The following TMEM131 variants were observed in gnomAD, a reference collection of about 807,000 sequenced individuals.
TMEM131 encodes 2610524E03Rik.
TMEM131 carries 66 observed loss-of-function variants against 211.6 expected under a neutral mutation model. The ratio of observed to expected loss-of-function variants is 0.31; its 90% CI spans 0.26 to 0.38. TMEM131 has a LOEUF of 0.38. Among genes scored for constraint, TMEM131 ranks in the 10% least tolerant of loss-of-function variants. TMEM131 has a pLI of 1.00. For missense variants in TMEM131, 2,036 were observed against 2,299.3 expected, an observed-to-expected ratio of 0.89 and a Z score of 2.34; for synonymous variants, 844 against 841.3, an observed-to-expected ratio of 1.00 and a Z score of -0.06.
At chr2:97,806,394 T>G (rs1279553046) in intron 19 of TMEM131, among the ~76,000 whole-genome samples, 1 of 151,904 alleles carries the variant, frequency 6.6e-6, no homozygotes, top group African/African-American at 2.4e-5. Flanking sequence ...CACGAAAAAT[T>G]AGCAGGCATG....
intron 1 of TMEM131, among the ~76,000 whole-genome samples, chr2:97,967,567 A>G (rs1679112673): frequency 6.6e-6 from 1 of 152,236 alleles, no homozygotes; most frequent in African/African-American, 2.4e-5. Context: ...TTAATAAGTA[A>G]CAAACTGCTT....
intron 35 of TMEM131, chr2:97,765,091 T>G (rs896708601): frequency 6.6e-6 from 1 of 152,240 alleles, no homozygotes; most frequent in African/African-American, 2.4e-5. Flanking sequence ...AGCAGAAGCA[T>G]CCCACCTGGA....
chr2:97,968,967 T>C (rs1056675732), intron 1 of TMEM131, among the ~76,000 whole-genome samples: 1 of 151,632 alleles, frequency 6.6e-6, no homozygotes, highest in African/African-American at 2.4e-5. Context: ...CCTCTAGTCT[T>C]AGCTACTTGG....
chr2:97,882,697 C>A (rs1448730614), intron 4 of TMEM131, among the ~76,000 whole-genome samples: 1 of 152,174 alleles, frequency 6.6e-6, no homozygotes, highest in Non-Finnish European at 1.5e-5. Context: ...TAAGCCAATT[C>A]CTTATTATAA....
intron 1 of TMEM131, among the ~76,000 whole-genome samples, chr2:97,942,499 AAAG>A (rs561635439): frequency 1.3e-4 from 9 of 67,346 alleles, no homozygotes; most frequent in African/African-American, 5.0e-4. Flanking sequence ...ATACAAAAAA[AAAG>A]AAAAGAAAGA....
intron 35 of TMEM131, chr2:97,763,791 G>GA (rs1679004502): frequency 6.6e-6 from 1 of 152,240 alleles, no homozygotes; most frequent in Admixed American, 6.5e-5. Flanking sequence ...CCTGTGGGTG[G>GA]AATGTGTTTC....
At chr2:97,925,196 AAGTT>A (rs1164594062) in intron 2 of TMEM131, among the ~76,000 whole-genome samples, 9 of 152,156 alleles carry the variant, frequency 5.9e-5, no homozygotes, top group Non-Finnish European at 1.0e-4. Context: ...TTTAAAAAGA[AAGTT>A]AGATTAGGAA....
At chr2:97,778,777 C>T (rs1430902116) in intron 31 of TMEM131, among the ~76,000 whole-genome samples, 1 of 152,154 alleles carries the variant, frequency 6.6e-6, no homozygotes, top group Non-Finnish European at 1.5e-5. Context: ...GAATGTAGCT[C>T]CTGCCAGGCC....
chr2:97,772,374 A>G lies in TMEM131; in HGVS notation c.4371T>C (p.Ser1457=). ...GKQAMPEKHE[S]EMSQVKQKSK... ...TTTTTTGCTTCACTTGAGACATTTC[A>G]CTTTCATGTTTTTCAGGCATGGCTT... Residue 1457 remains serine (S), a synonymous_variant, in exon 33 of 41, where the codon AGT becomes AGC. Coordinates refer to ENST00000186436, the MANE Select transcript of TMEM131 (RefSeq NM_015348.2). 1 of 1,609,264 alleles carries G rather than the reference A, an allele frequency of 6.2e-7. No individual in the cohort carries two copies. The highest frequency in any genetic ancestry group is 1.1e-5 in the South Asian group (1 of 89,304).
intron 31 of TMEM131, 54 bp downstream of exon 31, chr2:97,792,332 C>T (rs960333050): frequency 1.0e-5 from 14 of 1,399,964 alleles, no homozygotes; most frequent in Admixed American, 5.1e-5. Context: ...TCCTTAAGCA[C>T]GCACTGGCTT....
At chr2:97,834,721 A>G in intron 9 of TMEM131, 44 bp from the exon 10 acceptor site, 2 of 1,602,434 alleles carry the variant, frequency 1.2e-6, no homozygotes, top group Non-Finnish European at 1.7e-6. Context: ...ACTTTGCCAG[A>G]GTAAGCTATA....
chr2:97,994,536 A>G (rs1680405105), intron 1 of TMEM131, among the ~76,000 whole-genome samples: 1 of 152,254 alleles, frequency 6.6e-6, no homozygotes. Context: ...CCGTGGCAAG[A>G]AATTGTTTTC....
At position 97,992,554 on chromosome 2, in the gene TMEM131, C is replaced by A. The variant is rs546473852; in HGVS notation, c.187+2922G>T. 3.9e-5 allele frequency among the ~76,000 whole-genome samples: 6 copies of A among 152,148 alleles called. No homozygotes were observed. In the South Asian group the frequency reaches 1.0e-3, roughly 26 times the overall value. On this transcript the variant is annotated intron_variant, in intron 1 of 40. Transcript: ENST00000186436. ...TATTCGAATTTATATTTACTAGATACATAAACTATAGCTTCTCATTTATAA... is the reference window on the plus strand; with the variant it reads ...TATTCGAATTTATATTTACTAGATAAATAAACTATAGCTTCTCATTTATAA...
At chr2:97,932,118 G>C (rs138302936) in intron 1 of TMEM131, among the ~76,000 whole-genome samples, 43 of 150,422 alleles carry the variant, frequency 2.9e-4, no homozygotes, top group Middle Eastern at 3.4e-3. Flanking sequence ...CTCCAGCTTG[G>C]GTGACAGAAC....
At chr2:97,845,503 T>G (rs1484443859) in intron 5 of TMEM131, among the ~76,000 whole-genome samples, 1 of 151,818 alleles carries the variant, frequency 6.6e-6, no homozygotes, top group Admixed American at 6.6e-5. Flanking sequence ...GTGAAATGAG[T>G]AGTAACAAGA....
intron 40 of TMEM131, among the ~76,000 whole-genome samples, chr2:97,757,646 CCA>C (rs769827787): frequency 5.3e-5 from 8 of 152,158 alleles, no homozygotes; most frequent in African/African-American, 9.7e-5. Context: ...AGTGATCTTC[CCA>C]CCTCAGCCTC....
At chr2:97,974,309 A>T (rs891779788) in intron 1 of TMEM131, among the ~76,000 whole-genome samples, 1 of 152,180 alleles carries the variant, frequency 6.6e-6, no homozygotes, top group Non-Finnish European at 1.5e-5. Context: ...GCAGGAAAAG[A>T]TCTAAAAAAC....
intron 1 of TMEM131, among the ~76,000 whole-genome samples, chr2:97,972,014 C>G (rs1467773388): frequency 6.6e-6 from 1 of 152,102 alleles, no homozygotes; most frequent in African/African-American, 2.4e-5. Flanking sequence ...TTGAGACCAG[C>G]ATGGCCAACA....
intron 3 of TMEM131, chr2:97,907,122 T>G (rs1454471253): frequency 6.6e-6 from 1 of 152,156 alleles, no homozygotes; most frequent in Non-Finnish European, 1.5e-5. Flanking sequence ...CACCATTATT[T>G]TGGCTCTAGA....
Sources: gnomAD v4.1 joint callset for allele counts (sites outside exome capture counted in the v4.1 genomes callset) on GRCh38, gnomAD v4.1.1 for gene constraint, MANE v1.5 for transcripts, NCBI Gene and HGNC (gene_info 2026-07-23, HGNC 2026-07-21) for gene names.